Variants in GNA14 observed in about 807,000 individuals in gnomAD.
The protein encoded by GNA14 is G protein subunit alpha 14, also known as guanine nucleotide-binding protein subunit alpha-14.
GNA14 carries 50 observed loss-of-function variants against 42.0 expected under a neutral mutation model. The observed-to-expected ratio is 1.19, with a 90% CI of 0.95 to 1.51. GNA14 has a LOEUF of 1.51. Ranked by LOEUF, GNA14 falls within the 40% of genes most tolerant of loss-of-function variation. The pLI, the probability that GNA14 is intolerant of heterozygous loss-of-function variation, is 0.00. For missense variants in GNA14, 473 were observed against 446.2 expected, an observed-to-expected ratio of 1.06 and a Z score of -0.54; for synonymous variants, 173 against 163.1, an observed-to-expected ratio of 1.06 and a Z score of -0.46.
intron 1 of GNA14, among the ~76,000 whole-genome samples, chr9:77,549,227 C>A (rs890928833): frequency 6.6e-6 from 1 of 152,216 alleles, no homozygotes; most frequent in Non-Finnish European, 1.5e-5. Context: ...AGCCACCGTG[C>A]CCAGCCAAGA....
intron 5 of GNA14, among the ~76,000 whole-genome samples, chr9:77,425,962 G>A (rs1034420065): frequency 6.6e-6 from 1 of 152,146 alleles, no homozygotes; most frequent in Non-Finnish European, 1.5e-5. Flanking sequence ...CTCTTCTCCA[G>A]CCCAAAACTC....
intron 1 of GNA14, among the ~76,000 whole-genome samples, chr9:77,645,059 C>G (rs138608306): frequency 6.6e-6 from 1 of 152,344 alleles, no homozygotes; most frequent in African/African-American, 2.4e-5. Flanking sequence ...TTTTATCTTT[C>G]CCTAGTAGAC....
chr9:77,494,112 G>A (rs958601617), intron 2 of GNA14, among the ~76,000 whole-genome samples: 1 of 151,768 alleles, frequency 6.6e-6, no homozygotes, highest in African/African-American at 2.4e-5. Flanking sequence ...TAGTAGAGAC[G>A]GGGTTTCACC....
intron 2 of GNA14, among the ~76,000 whole-genome samples, chr9:77,449,756 A>G (rs1365819017): frequency 6.6e-6 from 1 of 152,258 alleles, no homozygotes; most frequent in Non-Finnish European, 1.5e-5. Context: ...TGTTAGATTC[A>G]TTAGTTTAAC....
intron 1 of GNA14, among the ~76,000 whole-genome samples, chr9:77,564,057 C>A (rs67348712): frequency 0.16 from 24,029 of 152,042 alleles, 2,364 homozygotes; most frequent in African/African-American, 0.27. Context: ...ATGGATCTTC[C>A]CTTAGTCAAC....
At position 77,423,855 on chromosome 9, in the gene GNA14, A is replaced by G. The variant is rs1028817873; in HGVS notation, c.*124T>C. Reference sequence around the variant, plus strand: ...TCCATCACCCATCTCTGTCCCCACGATCTACATGACATCCTTAGTTCCTGG... The same window carrying G: ...TCCATCACCCATCTCTGTCCCCACGGTCTACATGACATCCTTAGTTCCTGG... On this transcript the variant is annotated 3_prime_UTR_variant, in exon 7 of 7. Coordinates refer to ENST00000341700, the MANE Select transcript of GNA14 (RefSeq NM_004297.4). The G allele has an allele frequency of 9.0e-6, 5 of 554,066 alleles. No individual in the cohort carries two copies. The highest frequency in any genetic ancestry group is 1.6e-5 in the Non-Finnish European group (5 of 320,270). The allele number at this position is 554,066 out of a possible 1,614,324, so 34.3% of individuals were successfully genotyped here. A position where few individuals can be genotyped will look rare whatever the true frequency, so the allele number is the denominator to read the frequency against.
At chr9:77,453,131 C>A (rs543669080) in intron 2 of GNA14, among the ~76,000 whole-genome samples, 1 of 152,018 alleles carries the variant, frequency 6.6e-6, no homozygotes. Context: ...CAGAGCAAGA[C>A]CCTGTTCCTG....
chr9:77,568,425 G>A (rs1313391654), intron 1 of GNA14, among the ~76,000 whole-genome samples: 1 of 151,742 alleles, frequency 6.6e-6, no homozygotes, highest in Non-Finnish European at 1.5e-5. Flanking sequence ...CCAGGAGGTG[G>A]AGGTTGCAGT....
chr9:77,505,527 T>C (rs1837054292), intron 2 of GNA14, among the ~76,000 whole-genome samples: 1 of 152,220 alleles, frequency 6.6e-6, no homozygotes, highest in African/African-American at 2.4e-5. Flanking sequence ...TTCATTTTTG[T>C]TCTTGAGGAC....
chr9:77,487,242 G>A (rs1229669510), intron 2 of GNA14, among the ~76,000 whole-genome samples: 1 of 152,130 alleles, frequency 6.6e-6, no homozygotes, highest in Non-Finnish European at 1.5e-5. Context: ...TCAGAATGGT[G>A]TGCAATTTAA....
At chr9:77,426,021 T>C (rs1403035677) in intron 5 of GNA14, among the ~76,000 whole-genome samples, 1 of 152,178 alleles carries the variant, frequency 6.6e-6, no homozygotes, top group Non-Finnish European at 1.5e-5. Context: ...AAAAGGAAGG[T>C]TCCTACCCAC....
chr9:77,608,738 T>TTTTTG (rs1187354799), intron 1 of GNA14, among the ~76,000 whole-genome samples: 3 of 151,142 alleles, frequency 2.0e-5, no homozygotes, highest in Non-Finnish European at 4.4e-5. Flanking sequence ...TCCTGTTTTT[T>TTTTTG]TTTTTTTTTG....
chr9:77,571,556 T>A (rs1226146392), intron 1 of GNA14, among the ~76,000 whole-genome samples: 1 of 152,078 alleles, frequency 6.6e-6, no homozygotes, highest in Admixed American at 6.6e-5. Flanking sequence ...AGGGAAGTGC[T>A]TTGGGAAGCC....
chr9:77,455,975 G>A (rs973017515), intron 2 of GNA14, among the ~76,000 whole-genome samples: 1 of 152,270 alleles, frequency 6.6e-6, no homozygotes, highest in Non-Finnish European at 1.5e-5. Flanking sequence ...AAGGTAGACA[G>A]TCTTATAAGT....
chr9:77,466,977 G>T (rs1281343851), intron 2 of GNA14, among the ~76,000 whole-genome samples: 2 of 147,718 alleles, frequency 1.4e-5, no homozygotes, highest in Non-Finnish European at 3.0e-5. Context: ...AGCCAGTTAG[G>T]GTTTTTTTGC....
intron 2 of GNA14, among the ~76,000 whole-genome samples, chr9:77,489,029 T>C (rs1836709466): frequency 6.6e-6 from 1 of 152,076 alleles, no homozygotes; most frequent in Non-Finnish European, 1.5e-5. Flanking sequence ...ATCTCTAAGA[T>C]AATAGAGAAG....
chr9:77,584,341 C>G (rs1465374296), intron 1 of GNA14, among the ~76,000 whole-genome samples: 1 of 152,090 alleles, frequency 6.6e-6, no homozygotes, highest in East Asian at 1.9e-4. Flanking sequence ...AAGTAATAAT[C>G]CCCAATTTGA....
intron 1 of GNA14, among the ~76,000 whole-genome samples, chr9:77,565,014 T>C (rs1822944481): frequency 1.3e-5 from 2 of 152,210 alleles, no homozygotes; most frequent in South Asian, 4.1e-4. Flanking sequence ...TTCAAAATAA[T>C]TTTAACATGT....
intron 1 of GNA14, among the ~76,000 whole-genome samples, chr9:77,581,515 CAT>C (rs1242796875): frequency 2.6e-5 from 4 of 152,234 alleles, no homozygotes; most frequent in African/African-American, 7.2e-5. Flanking sequence ...TTCTGCCACA[CAT>C]GATTGCCCTG....
Sources: allele counts gnomAD v4.1 joint callset (sites outside exome capture counted in the v4.1 genomes callset), GRCh38; gene constraint gnomAD v4.1.1; transcripts MANE v1.5; gene names NCBI Gene and HGNC (gene_info 2026-07-23, HGNC 2026-07-21).